CALN1: variants seen among roughly 807,000 people sequenced by gnomAD.
CALN1 encodes calneuron 1.
In CALN1, 17 loss-of-function variants were observed where a neutral mutation model predicts 30.6. The ratio of observed to expected loss-of-function variants is 0.56; its 90% CI spans 0.38 to 0.83. The LOEUF is 0.83. Ranked by LOEUF, CALN1 falls within the 40% of genes least tolerant of loss-of-function variation. CALN1 has a pLI of 0.00. For missense variants in CALN1, 291 were observed against 354.9 expected (o/e 0.82, Z 1.45); for synonymous variants, 156 against 131.4 (o/e 1.19, Z -1.28).
At chr7:72,393,374 G>T (rs972705803) in intron 2 of CALN1, among the ~76,000 whole-genome samples, 3 of 152,174 alleles carry the variant, frequency 2.0e-5, no homozygotes, top group African/African-American at 7.2e-5. Flanking sequence ...TGAGGCAGGA[G>T]AATGGCGTGA....
At chr7:72,480,592 G>A in the CALN1 span, among the ~76,000 whole-genome samples, 13 of 151,968 alleles carry the variant, frequency 8.6e-5, no homozygotes, top group Admixed American at 1.3e-4. Context: ...TCAGAATTCC[G>A]TAAAGTTCAG....
intron 3 of CALN1, among the ~76,000 whole-genome samples, chr7:72,108,252 T>G (rs185250252): frequency 6.6e-6 from 1 of 152,324 alleles, no homozygotes; most frequent in East Asian, 1.9e-4. Context: ...GACACTTCTG[T>G]TTGCATTAGG....
intron 5 of CALN1, among the ~76,000 whole-genome samples, chr7:71,827,673 G>A (rs1225209308): frequency 2.6e-5 from 4 of 152,078 alleles, no homozygotes; most frequent in Non-Finnish European, 5.9e-5. Context: ...TCAGGAGGCT[G>A]AGGCAGGAGA....
chr7:71,977,427 C>A (rs1282155595), intron 5 of CALN1, among the ~76,000 whole-genome samples: 1 of 151,716 alleles, frequency 6.6e-6, no homozygotes, highest in African/African-American at 2.4e-5. Flanking sequence ...ACAGCAAGAC[C>A]CTGTTTCAAA....
rs187663199 is a variant in CALN1, at chr7:71,859,132, G to A, written c.502-48640C>T. Among the ~76,000 whole-genome samples the A allele has an allele frequency of 2.1e-4, 32 of 152,112 alleles. No homozygotes were observed. The East Asian group carries it at 3.7e-3, about 17-fold the overall frequency. Reference sequence around the variant, plus strand: ...AGCTGGAGTGCAGCGGCATGATCTCGGCTCACTGCAACCTCTGCCTCCTGG... The same window carrying A: ...AGCTGGAGTGCAGCGGCATGATCTCAGCTCACTGCAACCTCTGCCTCCTGG... On this transcript the variant is annotated intron_variant, in intron 5 of 6. Coordinates refer to ENST00000395275, the MANE Select transcript of CALN1 (RefSeq NM_031468.4).
intron 2 of CALN1, among the ~76,000 whole-genome samples, chr7:72,391,722 T>C (rs1466101888): frequency 6.6e-6 from 1 of 152,146 alleles, no homozygotes; most frequent in African/African-American, 2.4e-5. Flanking sequence ...GTTTTTTGTT[T>C]TTGTTTTTGT....
intron 2 of CALN1, among the ~76,000 whole-genome samples, chr7:72,386,892 T>A (rs13242958): frequency 6.6e-6 from 1 of 152,034 alleles, no homozygotes; most frequent in Non-Finnish European, 1.5e-5. Flanking sequence ...GATGGTTACA[T>A]CTAGAAGTAT....
At chr7:72,194,591 TC>T (rs1398155053) in intron 3 of CALN1, among the ~76,000 whole-genome samples, 1 of 138,150 alleles carries the variant, frequency 7.2e-6, no homozygotes. Flanking sequence ...CTAACTGGCC[TC>T]TTTTTTTTTT....
At chr7:72,121,273 TA>T (rs1808366457) in intron 3 of CALN1, among the ~76,000 whole-genome samples, 1 of 130,022 alleles carries the variant, frequency 7.7e-6, no homozygotes, top group African/African-American at 2.9e-5. Context: ...ATATCTATAT[TA>T]TATAATAATA....
chr7:72,214,787 ACCT>A (rs1165584670), intron 3 of CALN1, among the ~76,000 whole-genome samples: 2 of 151,912 alleles, frequency 1.3e-5, no homozygotes, highest in East Asian at 1.9e-4. Flanking sequence ...CCTGAGCTCC[ACCT>A]CCTGTCAAAT....
rs1386607934 is a variant in CALN1 at position 71,785,069 on chromosome 7, C to G, written c.*2706G>C. ...CTAAGGAATGCCGCTAGCTCAGGGC[C>G]GTCTCCACGCACTGTGTCCTTCAGT... On this transcript the variant is annotated 3_prime_UTR_variant, in exon 7 of 7. Transcript: ENST00000395275. 5.1e-6 allele frequency: 2 copies of G among 391,740 alleles called. No individual in the cohort carries two copies. Among genetic ancestry groups the G allele is most frequent in the Non-Finnish European group, 9.0e-6 (2 of 222,412 alleles). The allele number at this position is 391,740 out of a possible 1,614,324, so 24.3% of individuals were successfully genotyped here.
intron 1 of CALN1, among the ~76,000 whole-genome samples, chr7:72,406,083 C>T (rs760881602): frequency 2.0e-5 from 3 of 152,186 alleles, no homozygotes; most frequent in Non-Finnish European, 4.4e-5. Flanking sequence ...GCCCTCACTG[C>T]GGCACTCGCG....
At chr7:72,210,387 C>T (rs1017750639) in intron 3 of CALN1, among the ~76,000 whole-genome samples, 2 of 152,124 alleles carry the variant, frequency 1.3e-5, no homozygotes. Context: ...AACATTTAGG[C>T]TGGGTGTGGT....
intron 4 of CALN1, among the ~76,000 whole-genome samples, chr7:72,073,762 T>C (rs541340429): frequency 1.4e-5 from 2 of 147,384 alleles, no homozygotes; most frequent in East Asian, 4.4e-4. Flanking sequence ...AGCACAAACA[T>C]GGCTCACTGC....
the CALN1 span, among the ~76,000 whole-genome samples, chr7:72,492,866 C>A: frequency 6.6e-6 from 1 of 152,168 alleles, no homozygotes. Context: ...ATGGTATGTT[C>A]GATCCTCAGA....
At chr7:72,240,210 A>G (rs62464861) in intron 3 of CALN1, among the ~76,000 whole-genome samples, 1 of 150,628 alleles carries the variant, frequency 6.6e-6, no homozygotes, top group African/African-American at 2.4e-5. Flanking sequence ...TTTTTTTTAA[A>G]TAAAGATGGG....
chr7:72,317,735 C>T (rs181033843), intron 2 of CALN1, among the ~76,000 whole-genome samples: 2 of 152,280 alleles, frequency 1.3e-5, no homozygotes, highest in Non-Finnish European at 2.9e-5. Flanking sequence ...TTGAGGAGAA[C>T]ATTACTTCCA....
chr7:72,049,295 G>A (rs933760945), intron 4 of CALN1, among the ~76,000 whole-genome samples: 9 of 152,082 alleles, frequency 5.9e-5, no homozygotes, highest in African/African-American at 2.2e-4. Context: ...AGAAATTGGA[G>A]ACTTGAACTT....
At chr7:72,001,094 G>A (rs1432133123) in intron 5 of CALN1, among the ~76,000 whole-genome samples, 2 of 151,972 alleles carry the variant, frequency 1.3e-5, no homozygotes, top group African/African-American at 4.8e-5. Context: ...CTAAATAACA[G>A]TAATTGGTTG....
Sources: allele counts gnomAD v4.1 joint callset (sites outside exome capture counted in the v4.1 genomes callset), GRCh38; gene constraint gnomAD v4.1.1; transcripts MANE v1.5; gene names NCBI Gene and HGNC (gene_info 2026-07-23, HGNC 2026-07-21).